TXNDC11: variants seen among roughly 807,000 people sequenced by gnomAD.
TXNDC11 encodes thioredoxin domain containing 11, also known as thioredoxin domain-containing protein 11.
Under a neutral mutation model 78.0 loss-of-function variants are expected in TXNDC11, and 68 were observed. The observed-to-expected ratio is 0.87, with a 90% confidence interval of 0.72 to 1.07. The LOEUF is 1.07. Among genes scored for constraint, TXNDC11 ranks in the 50% least tolerant of loss-of-function variants. The pLI is 0.00. For missense variants in TXNDC11, 1,389 were observed against 1,221.8 expected (o/e 1.14, Z -2.04); for synonymous variants, 571 against 495.2 (o/e 1.15, Z -2.03).
At chr16:11,684,039 C>A (rs757951496) in intron 11 of TXNDC11, 126 bp downstream of exon 11, 2 of 639,598 alleles carry the variant, frequency 3.1e-6, no homozygotes, top group African/African-American at 1.8e-5. Context: ...GCATGAGCCA[C>A]CACGCCTGGT....
At chr16:11,686,360 A>C (rs748763291) in intron 10 of TXNDC11, among the ~76,000 whole-genome samples, 1 of 152,230 alleles carries the variant, frequency 6.6e-6, no homozygotes, top group Admixed American at 6.5e-5. Context: ...AATTCCATTA[A>C]ATGCCCAGCC....
At chr16:11,732,017 G>C (rs1402556062) in intron 3 of TXNDC11, among the ~76,000 whole-genome samples, 1 of 152,166 alleles carries the variant, frequency 6.6e-6, no homozygotes, top group Admixed American at 6.5e-5. Flanking sequence ...AAGAGGCTTT[G>C]ATGAGTTTTC....
intron 2 of TXNDC11, 126 bp from the exon 3 acceptor site, chr16:11,734,205 T>C (rs2052151544): frequency 5.6e-6 from 4 of 709,286 alleles, no homozygotes; most frequent in African/African-American, 5.5e-5. Context: ...TGAAAAAAAC[T>C]GTTTTGAGTT....
At chr16:11,697,181 T>C (rs1223273184) in intron 7 of TXNDC11, among the ~76,000 whole-genome samples, 1 of 152,206 alleles carries the variant, frequency 6.6e-6, no homozygotes, top group East Asian at 1.9e-4. Context: ...TCATTCAGAA[T>C]ACTCCCCAGA....
intron 1 of TXNDC11, among the ~76,000 whole-genome samples, chr16:11,738,768 C>A (rs2052304136): frequency 6.6e-6 from 1 of 152,252 alleles, no homozygotes; most frequent in Non-Finnish European, 1.5e-5. Context: ...TGGCTCACGC[C>A]TGTAATCCCA....
chr16:11,726,387 C>T (rs528625999), intron 4 of TXNDC11, among the ~76,000 whole-genome samples: 166 of 152,122 alleles, frequency 1.1e-3, no homozygotes, highest in African/African-American at 3.9e-3. Flanking sequence ...TAGAGACCAT[C>T]CTAGCTAACA....
chr16:11,721,440 A>G (rs1179244061), intron 5 of TXNDC11, 137 bp downstream of exon 5: 1 of 508,662 alleles, frequency 2.0e-6, no homozygotes, highest in Non-Finnish European at 3.5e-6. Flanking sequence ...CTCCATCTAA[A>G]AAAAAATAAA....
chr16:11,680,963 T>TTA (rs752921332), intron 11 of TXNDC11, among the ~76,000 whole-genome samples: 4 of 151,988 alleles, frequency 2.6e-5, no homozygotes, highest in Non-Finnish European at 5.9e-5. Flanking sequence ...GGCCAGGAGT[T>TTA]TGAGACCAGC....
intron 8 of TXNDC11, among the ~76,000 whole-genome samples, chr16:11,689,115 G>T (rs1345931302): frequency 2.0e-5 from 3 of 147,140 alleles, no homozygotes; most frequent in Non-Finnish European, 4.4e-5. Flanking sequence ...AAGAGACAGG[G>T]TCTCACTCTG....
chr16:11,742,555 G>T lies in TXNDC11; in HGVS notation c.176C>A (p.Ala59Glu), dbSNP rs966264167. 6.9e-7 allele frequency: 1 copy of T among 1,455,904 alleles called. No homozygotes were observed. The highest frequency in any genetic ancestry group is 9.0e-7 in the Non-Finnish European group (1 of 1,110,796). 90.2% of individuals were successfully genotyped at this position (1,455,904 alleles called of 1,614,324 possible). The change falls in exon 1 of 12, where the codon GCG (alanine) becomes GAG (glutamate). Residue 59 changes from alanine to glutamate, a missense_variant. Coordinates refer to ENST00000283033, the MANE Select transcript of TXNDC11 (RefSeq NM_015914.7). Reference protein sequence around the residue: ...RRGLRGAFLMARQRPELLCGA... With the variant: ...RRGLRGAFLMERQRPELLCGA... Reference sequence around the variant, plus strand: ...GCAGAGCAGCTCCGGCCGCTGGCGCGCCATGAGGAAGGCGCCACGCAGCCC... The same window carrying T: ...GCAGAGCAGCTCCGGCCGCTGGCGCTCCATGAGGAAGGCGCCACGCAGCCC...
intron 4 of TXNDC11, among the ~76,000 whole-genome samples, chr16:11,723,215 G>GC (rs1455987226): frequency 6.6e-6 from 1 of 151,496 alleles, no homozygotes; most frequent in African/African-American, 2.4e-5. Context: ...CTGAGATCAT[G>GC]CCCCTGCACT....
chr16:11,697,933 C>T (rs1265229091), intron 7 of TXNDC11, among the ~76,000 whole-genome samples, 192 bp downstream of exon 7: 5 of 152,344 alleles, frequency 3.3e-5, no homozygotes, highest in South Asian at 2.1e-4. Context: ...AGAGAGGCTG[C>T]GGCAGTCCCT....
rs937820856 is a variant in TXNDC11 at position 11,684,330 on chromosome 16, C to T, written c.2154-85G>A. 3.5e-5 allele frequency: 36 copies of T among 1,023,026 alleles called. No homozygotes were observed. The East Asian group carries it at 3.7e-4, about 10-fold the overall frequency. The allele number at this position is 1,023,026 out of a possible 1,614,324, so 63.4% of individuals were successfully genotyped here. On this transcript the variant is annotated intron_variant, in intron 10 of 11. Coordinates refer to ENST00000283033, the MANE Select transcript of TXNDC11 (RefSeq NM_015914.7). Reference sequence around the variant, plus strand: ...GAACCTTCTCAGATAACTTCAAGAACCTGGTGCATTTTTTACACCCCACAT... The same window carrying T: ...GAACCTTCTCAGATAACTTCAAGAATCTGGTGCATTTTTTACACCCCACAT...
At chr16:11,698,046 C>A (rs2050905632) in intron 7 of TXNDC11, 79 bp downstream of exon 7, 1 of 1,357,236 alleles carries the variant, frequency 7.4e-7, no homozygotes, top group East Asian at 2.3e-5. Flanking sequence ...GAGTAAATGA[C>A]TGAGTGTGGG....
At chr16:11,705,528 C>G (rs2051156860) in intron 5 of TXNDC11, among the ~76,000 whole-genome samples, 1 of 152,136 alleles carries the variant, frequency 6.6e-6, no homozygotes, top group Admixed American at 6.5e-5. Context: ...TAAGGAAATT[C>G]ATTTGATAGC....
chr16:11,732,888 C>T (rs535274943), intron 3 of TXNDC11, among the ~76,000 whole-genome samples: 1 of 152,314 alleles, frequency 6.6e-6, no homozygotes, highest in Non-Finnish European at 1.5e-5. Flanking sequence ...AAGCTCTCTA[C>T]TGATCAAATC....
At chr16:11,700,014 A>G (rs923744751) in intron 6 of TXNDC11, among the ~76,000 whole-genome samples, 3 of 152,238 alleles carry the variant, frequency 2.0e-5, no homozygotes, top group African/African-American at 7.2e-5. Context: ...GTGACTTGAC[A>G]AGAACTTCAA....
At chr16:11,731,251 C>G (rs1393244225) in intron 3 of TXNDC11, among the ~76,000 whole-genome samples, 2 of 152,166 alleles carry the variant, frequency 1.3e-5, no homozygotes, top group African/African-American at 2.4e-5. Context: ...TAAAAAGAAA[C>G]AGGCAGACAA....
In TXNDC11 at chr16:11,713,029, C is replaced by T. The variant is rs1567327294; in HGVS notation, c.793+8548G>A. The stretch of plus-strand genomic sequence containing the variant: ...TTGGGAGGCAGGAGAATCGCTTGAA[C>T]CCAGGAGGCGGAGGTTGCGGTGAGT... On this transcript the variant is annotated intron_variant, in intron 5 of 11. Transcript: ENST00000283033. 4.6e-5 allele frequency among the ~76,000 whole-genome samples: 7 copies of T among 150,972 alleles called. No homozygotes were observed. The South Asian group carries it at 1.5e-3, about 32-fold the overall frequency.
Sources: gnomAD v4.1 joint callset for allele counts (sites outside exome capture counted in the v4.1 genomes callset) on GRCh38, gnomAD v4.1.1 for gene constraint, MANE v1.5 for transcripts, NCBI Gene and HGNC (gene_info 2026-07-23, HGNC 2026-07-21) for gene names.